The following FSTL4 variants were observed in gnomAD, a reference collection of about 807,000 sequenced individuals.
The protein encoded by FSTL4 is follistatin like 4.
FSTL4 carries 28 observed loss-of-function variants against 78.2 expected under a neutral mutation model. The observed-to-expected ratio is 0.36, with a 90% CI of 0.27 to 0.49. The LOEUF (loss-of-function observed/expected upper bound fraction) is 0.49, where lower values mean the gene tolerates loss of function less well. FSTL4 is among the 20% of genes least tolerant of loss of function. The pLI, the probability that FSTL4 is intolerant of heterozygous loss-of-function variation, is 0.98. For synonymous variants in FSTL4, 422 were observed against 440.5 expected (o/e 0.96, Z 0.53); for missense variants, 922 against 1,084.9 (o/e 0.85, Z 2.11).
At chr5:133,460,136 C>T (rs1259505443) in intron 3 of FSTL4, among the ~76,000 whole-genome samples, 1 of 152,204 alleles carries the variant, frequency 6.6e-6, no homozygotes, top group Non-Finnish European at 1.5e-5. Flanking sequence ...GTAACGGGGC[C>T]CTTCAGGCCC....
intron 3 of FSTL4, among the ~76,000 whole-genome samples, chr5:133,441,297 T>A (rs1757155323): frequency 6.6e-6 from 1 of 152,120 alleles, no homozygotes; most frequent in East Asian, 1.9e-4. Context: ...AGGCTACTCC[T>A]GGACACATGA....
chr5:133,654,235 A>G, the FSTL4 span, among the ~76,000 whole-genome samples: 29,795 of 152,174 alleles, frequency 0.2, 3,029 homozygotes, highest in Middle Eastern at 0.41. Context: ...CGCAGCCACC[A>G]TTTACTGATG....
At chr5:133,349,295 C>CTG (rs1554107119) in intron 4 of FSTL4, among the ~76,000 whole-genome samples, 4,643 of 139,716 alleles carry the variant, frequency 0.033, 78 homozygotes, top group South Asian at 0.083. Context: ...GCCTCTCTCT[C>CTG]TGTGTGTGTG....
the FSTL4 span, among the ~76,000 whole-genome samples, chr5:133,786,183 G>A: frequency 6.6e-6 from 1 of 152,120 alleles, no homozygotes; most frequent in Admixed American, 6.5e-5. Flanking sequence ...TCCTCCCCAG[G>A]TGCCTACCAG....
chr5:133,777,453 T>C, the FSTL4 span, among the ~76,000 whole-genome samples: 11 of 152,362 alleles, frequency 7.2e-5, no homozygotes, highest in South Asian at 2.3e-3. Flanking sequence ...TGTTATGACC[T>C]TCTTAATTAC....
intron 8 of FSTL4, among the ~76,000 whole-genome samples, chr5:133,232,602 T>C (rs1751526134): frequency 6.6e-6 from 1 of 152,214 alleles, no homozygotes; most frequent in Admixed American, 6.5e-5. Flanking sequence ...ACATATTCTA[T>C]TTCATCAGAC....
chr5:133,271,815 C>T (rs1752771382), intron 6 of FSTL4, among the ~76,000 whole-genome samples: 1 of 152,144 alleles, frequency 6.6e-6, no homozygotes, highest in African/African-American at 2.4e-5. Flanking sequence ...GGGGGATGAA[C>T]TGCATAAGGA....
intron 4 of FSTL4, among the ~76,000 whole-genome samples, chr5:133,352,361 C>CATATATATACACATAT (rs1561683042): frequency 3.4e-5 from 5 of 147,070 alleles, no homozygotes; most frequent in African/African-American, 1.3e-4. Context: ...TATACACACA[C>CATATATATACACATAT]ATATATATAC....
the FSTL4 span, among the ~76,000 whole-genome samples, chr5:133,631,460 G>T: frequency 4.6e-5 from 7 of 152,116 alleles, no homozygotes; most frequent in African/African-American, 9.6e-5. Context: ...ACCATTTCAC[G>T]CCAGTTAGAA....
At chr5:133,616,912 T>C (rs1761209662), upstream of FSTL4, among the ~76,000 whole-genome samples, 1 of 152,164 alleles carries the variant, frequency 6.6e-6, no homozygotes, top group Non-Finnish European at 1.5e-5. Flanking sequence ...CTTGTCTTGC[T>C]TCCTAGCAAG....
intron 4 of FSTL4, among the ~76,000 whole-genome samples, chr5:133,346,540 C>T (rs1460259336): frequency 6.6e-6 from 1 of 152,154 alleles, no homozygotes; most frequent in African/African-American, 2.4e-5. Context: ...CCTCTGGAAG[C>T]TTTGAGAATC....
At chr5:133,775,171 C>A in the FSTL4 span, among the ~76,000 whole-genome samples, 9 of 152,174 alleles carry the variant, frequency 5.9e-5, no homozygotes, top group Non-Finnish European at 8.8e-5. Context: ...CAATAAACTT[C>A]TCTATTATTT....
At chr5:133,569,134 T>C (rs978759641) in intron 2 of FSTL4, among the ~76,000 whole-genome samples, 19 of 152,352 alleles carry the variant, frequency 1.2e-4, no homozygotes, top group Non-Finnish European at 2.6e-4. Flanking sequence ...GCTTCTTGGT[T>C]AAATTTTACT....
the FSTL4 span, among the ~76,000 whole-genome samples, chr5:133,637,955 TTAA>T: frequency 0.44 from 65,402 of 147,706 alleles, 14,751 homozygotes; most frequent in Admixed American, 0.53. Flanking sequence ...ATAATAATAA[TTAA>T]TAATAATAAT....
At chr5:133,226,611 T>C (rs1751343036) in intron 8 of FSTL4, among the ~76,000 whole-genome samples, 1 of 152,222 alleles carries the variant, frequency 6.6e-6, no homozygotes, top group African/African-American at 2.4e-5. Context: ...GGTTCTTCCT[T>C]ATCTATAACT....
chr5:133,197,461 G>A lies in FSTL4; in HGVS notation c.*1634C>T, dbSNP rs1216141898. ...AGGAGTTACAGGGGACAGGCGTTTGGTGGACCAAGTTGCGTGAGACATACA... is the reference window on the plus strand; with the variant it reads ...AGGAGTTACAGGGGACAGGCGTTTGATGGACCAAGTTGCGTGAGACATACA... On this transcript the variant is annotated 3_prime_UTR_variant, in exon 16 of 16. Transcript: ENST00000265342. 6.6e-6 allele frequency: 1 copy of A among 152,312 alleles called. No individual in the cohort carries two copies. Among genetic ancestry groups the A allele is most frequent in the Non-Finnish European group, 1.5e-5 (1 of 68,040 alleles). 9.4% of individuals were successfully genotyped at this position (152,312 alleles called of 1,614,324 possible).
At chr5:133,462,087 G>T (rs1757605356) in intron 3 of FSTL4, among the ~76,000 whole-genome samples, 1 of 152,218 alleles carries the variant, frequency 6.6e-6, no homozygotes, top group African/African-American at 2.4e-5. Context: ...GTCCATCACA[G>T]ACACTGTCCA....
upstream of FSTL4, among the ~76,000 whole-genome samples, chr5:133,613,542 A>G (rs1030150702): frequency 2.0e-4 from 31 of 152,358 alleles, no homozygotes; most frequent in African/African-American, 7.5e-4. Flanking sequence ...ACCTGAAGAA[A>G]GAGATATTAC....
chr5:133,612,691 G>A (rs1456257193), upstream of FSTL4: 1 of 151,344 alleles, frequency 6.6e-6, no homozygotes, highest in African/African-American at 2.4e-5. The surrounding 1 kb of genome is among the most constrained non-coding windows in gnomAD (Gnocchi z 6.2). Flanking sequence ...CGCGGGGCGC[G>A]ATGACTCCGG....
Sources: gnomAD v4.1 joint callset for allele counts (sites outside exome capture counted in the v4.1 genomes callset) on GRCh38, gnomAD v4.1.1 for gene constraint, Gnocchi (gnomAD v3.1) non-coding constraint, MANE v1.5 for transcripts, NCBI Gene and HGNC (gene_info 2026-07-23, HGNC 2026-07-21) for gene names.